The following RNF180 variants were observed in gnomAD, a reference collection of about 807,000 sequenced individuals.
The protein encoded by RNF180 is E3 ubiquitin-protein ligase RNF180.
A neutral mutation model predicts 59.2 loss-of-function variants in RNF180; 38 were observed. That is an observed-to-expected ratio of 0.64 (90% CI 0.50 to 0.84). The LOEUF is 0.84. Ranked by LOEUF, RNF180 falls within the 40% of genes least tolerant of loss-of-function variation. The pLI, the probability that RNF180 is intolerant of heterozygous loss-of-function variation, is 0.00. For missense variants in RNF180, 705 were observed against 700.9 expected, an observed-to-expected ratio of 1.01 and a Z score of -0.07; for synonymous variants, 262 against 240.3, an observed-to-expected ratio of 1.09 and a Z score of -0.84.
intron 5 of RNF180, among the ~76,000 whole-genome samples, chr5:64,311,259 G>C (rs1743750066): frequency 6.6e-6 from 1 of 151,952 alleles, no homozygotes; most frequent in African/African-American, 2.4e-5. Context: ...CTTTGGGATA[G>C]AGGAAGTAAG....
chr5:64,309,799 TA>T (rs1255833219), intron 5 of RNF180, among the ~76,000 whole-genome samples: 1 of 151,640 alleles, frequency 6.6e-6, no homozygotes, highest in Non-Finnish European at 1.5e-5. Context: ...CAAACCTTTA[TA>T]TTTTAAAAAA....
At chr5:64,290,560 C>T (rs1010464707) in intron 5 of RNF180, among the ~76,000 whole-genome samples, 7 of 152,080 alleles carry the variant, frequency 4.6e-5, no homozygotes, top group African/African-American at 1.7e-4. Flanking sequence ...CTCAGTGTTC[C>T]TTTATTGGGT....
intron 7 of RNF180, among the ~76,000 whole-genome samples, chr5:64,332,258 CA>C (rs1160281031): frequency 6.6e-6 from 1 of 152,108 alleles, no homozygotes; most frequent in Non-Finnish European, 1.5e-5. Flanking sequence ...GATCCTGTGA[CA>C]ATAGTTAACA....
intron 7 of RNF180, among the ~76,000 whole-genome samples, chr5:64,351,818 G>A (rs571074617): frequency 3.9e-5 from 6 of 152,172 alleles, no homozygotes; most frequent in African/African-American, 1.4e-4. Context: ...GTATTTTATT[G>A]AGGATTTTTG....
chr5:64,187,532 C>G (rs1401138843), intron 1 of RNF180, among the ~76,000 whole-genome samples: 1 of 152,144 alleles, frequency 6.6e-6, no homozygotes, highest in Non-Finnish European at 1.5e-5. Context: ...ACTGTGGTCT[C>G]TCTCTCTGTA....
At chr5:64,200,238 G>A (rs955675287) in intron 1 of RNF180, among the ~76,000 whole-genome samples, 1 of 152,040 alleles carries the variant, frequency 6.6e-6, no homozygotes, top group Admixed American at 6.6e-5. Context: ...TTTGATACTA[G>A]CCTGTGCTAC....
chr5:64,216,543 A>G (rs1752639753), intron 4 of RNF180, among the ~76,000 whole-genome samples: 1 of 152,344 alleles, frequency 6.6e-6, no homozygotes, highest in East Asian at 1.9e-4. Context: ...ATTGGTTGAT[A>G]TATCTGGATT....
intron 5 of RNF180, among the ~76,000 whole-genome samples, chr5:64,229,912 C>T (rs1406649731): frequency 2.6e-5 from 4 of 152,148 alleles, no homozygotes; most frequent in African/African-American, 4.8e-5. Context: ...ATAAATCATC[C>T]TTTTATTCTT....
chr5:64,281,448 G>T (rs763834950), intron 5 of RNF180, among the ~76,000 whole-genome samples: 1 of 152,030 alleles, frequency 6.6e-6, no homozygotes, highest in Non-Finnish European at 1.5e-5. Flanking sequence ...TGTCATAGAT[G>T]ACTCCTGTTA....
intron 5 of RNF180, among the ~76,000 whole-genome samples, chr5:64,267,613 TG>T (rs1744759172): frequency 6.6e-6 from 1 of 152,078 alleles, no homozygotes; most frequent in African/African-American, 2.4e-5. Flanking sequence ...TTTGGTTTTT[TG>T]TTCTTGAGAT....
intron 5 of RNF180, among the ~76,000 whole-genome samples, chr5:64,257,263 G>A (rs1334506067): frequency 3.9e-5 from 6 of 152,140 alleles, no homozygotes; most frequent in Non-Finnish European, 8.8e-5. Flanking sequence ...GTGAGAGAGG[G>A]CATCCTTGTC....
At chr5:64,244,726 G>T (rs774244617) in intron 5 of RNF180, among the ~76,000 whole-genome samples, 1 of 152,130 alleles carries the variant, frequency 6.6e-6, no homozygotes, top group Admixed American at 6.6e-5. Flanking sequence ...TCAAATTCAG[G>T]AAATACAGAG....
At chr5:64,354,584 A>G (rs1407411126) in intron 7 of RNF180, among the ~76,000 whole-genome samples, 7 of 151,928 alleles carry the variant, frequency 4.6e-5, no homozygotes, top group Non-Finnish European at 1.0e-4. Flanking sequence ...GAAATACTTC[A>G]TGATTCATTC....
chr5:64,347,689 A>G (rs1745608501), intron 7 of RNF180, among the ~76,000 whole-genome samples: 1 of 152,194 alleles, frequency 6.6e-6, no homozygotes, highest in Non-Finnish European at 1.5e-5. Flanking sequence ...ATAGGATAAT[A>G]TGAAATGTTT....
chr5:64,245,600 C>T (rs1347570226), intron 5 of RNF180, among the ~76,000 whole-genome samples: 1 of 152,116 alleles, frequency 6.6e-6, no homozygotes, highest in Non-Finnish European at 1.5e-5. Flanking sequence ...AATATGGGAG[C>T]ACCAAGATTC....
At chr5:64,285,374 G>C (rs1038556227) in intron 5 of RNF180, among the ~76,000 whole-genome samples, 2 of 152,208 alleles carry the variant, frequency 1.3e-5, no homozygotes, top group African/African-American at 4.8e-5. Flanking sequence ...ACTGGGATCA[G>C]GTTGGCAGCA....
At chr5:64,192,190 A>G (rs1406689194) in intron 1 of RNF180, among the ~76,000 whole-genome samples, 2 of 151,458 alleles carry the variant, frequency 1.3e-5, no homozygotes, top group Non-Finnish European at 2.9e-5. Context: ...AAGACATACA[A>G]ATGGCCACTA....
At chr5:64,261,887 A>G (rs1318414308) in intron 5 of RNF180, among the ~76,000 whole-genome samples, 1 of 152,110 alleles carries the variant, frequency 6.6e-6, no homozygotes, top group African/African-American at 2.4e-5. Context: ...TAGTGGAAAA[A>G]AGTGAAAGCT....
chr5:64,364,037 A>T (rs965857950), intron 7 of RNF180, among the ~76,000 whole-genome samples: 1 of 151,818 alleles, frequency 6.6e-6, no homozygotes, highest in African/African-American at 2.4e-5. Flanking sequence ...GCAAACAGGG[A>T]TAGTTTGACT....
Sources: allele counts gnomAD v4.1 joint callset (sites outside exome capture counted in the v4.1 genomes callset), GRCh38; gene constraint gnomAD v4.1.1; transcripts MANE v1.5; gene names NCBI Gene and HGNC (gene_info 2026-07-23, HGNC 2026-07-21).